Variants in CACNG2 observed in about 807,000 individuals in gnomAD.
The protein encoded by CACNG2 is voltage-dependent calcium channel gamma-2 subunit.
Under a neutral mutation model 25.9 loss-of-function variants are expected in CACNG2, and 3 were observed. The ratio of observed to expected loss-of-function variants is 0.12; its 90% CI spans 0.05 to 0.30. The LOEUF is 0.30. CACNG2 is among the 10% of genes least tolerant of loss of function. The pLI is 1.00. For missense variants in CACNG2, 341 were observed against 432.5 expected (o/e 0.79, Z 1.88); for synonymous variants, 167 against 173.3 (o/e 0.96, Z 0.29).
chr22:36,696,671 C>T (rs1445136271), intron 1 of CACNG2, among the ~76,000 whole-genome samples: 1 of 152,168 alleles, frequency 6.6e-6, no homozygotes, highest in African/African-American at 2.4e-5. Context: ...GAGTGGAGGA[C>T]AGAGCGTGCT....
chr22:36,594,816 C>CTG (rs1047288229), intron 1 of CACNG2, among the ~76,000 whole-genome samples: 2 of 130,656 alleles, frequency 1.5e-5, no homozygotes, highest in Non-Finnish European at 3.2e-5. Flanking sequence ...GGATGTGTGT[C>CTG]TGTGTGTGTA....
intron 1 of CACNG2, among the ~76,000 whole-genome samples, chr22:36,593,647 G>A (rs373862742): frequency 6.6e-6 from 1 of 152,108 alleles, no homozygotes; most frequent in Non-Finnish European, 1.5e-5. Flanking sequence ...TTAGGAGGGC[G>A]GGGGAGTTAG....
At chr22:36,654,948 G>C (rs900369996) in intron 1 of CACNG2, among the ~76,000 whole-genome samples, 1 of 152,016 alleles carries the variant, frequency 6.6e-6, no homozygotes, top group Non-Finnish European at 1.5e-5. Context: ...GATAGGAGCA[G>C]AGAGGCATTA....
At chr22:36,694,634 T>C (rs772362781) in intron 1 of CACNG2, among the ~76,000 whole-genome samples, 3 of 152,210 alleles carry the variant, frequency 2.0e-5, no homozygotes, top group Non-Finnish European at 4.4e-5. Flanking sequence ...GGTATGGGGC[T>C]GTCTCAAATG....
intron 1 of CACNG2, among the ~76,000 whole-genome samples, chr22:36,616,203 A>G (rs1416616189): frequency 6.6e-6 from 1 of 152,228 alleles, no homozygotes; most frequent in Non-Finnish European, 1.5e-5. Context: ...TGAAGGTCAA[A>G]TGAGTTAATT....
At chr22:36,597,494 C>T (rs1016474050) in intron 1 of CACNG2, among the ~76,000 whole-genome samples, 29 of 152,158 alleles carry the variant, frequency 1.9e-4, no homozygotes, top group African/African-American at 5.3e-4. Context: ...CAGTCCTCAC[C>T]GAGGGGGTAA....
At chr22:36,580,475 G>A (rs1935396713) in intron 2 of CACNG2, among the ~76,000 whole-genome samples, 1 of 152,110 alleles carries the variant, frequency 6.6e-6, no homozygotes, top group South Asian at 2.1e-4. Context: ...TTTGATGAGG[G>A]CCTGCCTCCC....
chr22:36,597,788 G>T (rs1183478058), intron 1 of CACNG2, among the ~76,000 whole-genome samples: 2 of 152,180 alleles, frequency 1.3e-5, no homozygotes, highest in Non-Finnish European at 2.9e-5. Flanking sequence ...CTGAGACTCT[G>T]TATTTCTCAT....
At chr22:36,584,972 C>T (rs1251779531) in intron 2 of CACNG2, 1 of 152,326 alleles carries the variant, frequency 6.6e-6, no homozygotes, top group Non-Finnish European at 1.5e-5. Flanking sequence ...TGGGAGCCAC[C>T]TGCCTACTTC....
rs149932866 is a variant in CACNG2, at chr22:36,658,584, G to C, written c.211+43782C>G. ...AAGTGTTGGGGTGGGATTTAAGCCT[G>C]TCTTCCTCATCCATCTCTTTTTAAA... On this transcript the variant is annotated intron_variant, in intron 1 of 3. Coordinates refer to ENST00000300105, the MANE Select transcript of CACNG2 (RefSeq NM_006078.5). Among the ~76,000 whole-genome samples, 13 of 152,320 alleles carry C rather than the reference G, an allele frequency of 8.5e-5. No individual in the cohort carries two copies. The East Asian group carries it at 2.3e-3, about 27-fold the overall frequency.
At chr22:36,633,522 A>G (rs1936307475) in intron 1 of CACNG2, among the ~76,000 whole-genome samples, 2 of 152,218 alleles carry the variant, frequency 1.3e-5, no homozygotes, top group Admixed American at 6.5e-5. Flanking sequence ...ACTGATGCTC[A>G]AGGGCTTCAG....
intron 1 of CACNG2, among the ~76,000 whole-genome samples, chr22:36,699,904 G>A (rs968807309): frequency 5.3e-5 from 8 of 152,182 alleles, no homozygotes; most frequent in African/African-American, 1.7e-4. Context: ...TTCCTAAGTC[G>A]CCAAGGCCCA....
intron 1 of CACNG2, among the ~76,000 whole-genome samples, chr22:36,597,381 T>A (rs867378672): frequency 5.3e-5 from 8 of 152,276 alleles, no homozygotes; most frequent in Middle Eastern, 3.4e-3. Context: ...GTTAGAAAGA[T>A]TTGGCTTCTA....
intron 1 of CACNG2, among the ~76,000 whole-genome samples, chr22:36,602,454 C>T (rs1252671020): frequency 3.9e-5 from 6 of 152,046 alleles, no homozygotes; most frequent in South Asian, 2.1e-4. Flanking sequence ...GGTGCGATCT[C>T]GGCTCTCTGC....
chr22:36,607,338 C>T (rs971672377), intron 1 of CACNG2, among the ~76,000 whole-genome samples: 3 of 152,190 alleles, frequency 2.0e-5, no homozygotes, highest in Admixed American at 2.0e-4. Context: ...GCCTTGCACT[C>T]CCCAGGCTCA....
At chr22:36,589,762 T>G (rs117563437) in intron 1 of CACNG2, among the ~76,000 whole-genome samples, 1 of 152,108 alleles carries the variant, frequency 6.6e-6, no homozygotes, top group Non-Finnish European at 1.5e-5. Flanking sequence ...CCCTCCTGCA[T>G]CTTGGGGTGT....
At chr22:36,675,557 C>T (rs961540626) in intron 1 of CACNG2, among the ~76,000 whole-genome samples, 4 of 152,186 alleles carry the variant, frequency 2.6e-5, no homozygotes, top group Admixed American at 2.6e-4. Flanking sequence ...ATATGGGTAA[C>T]GATCCTGGGA....
chr22:36,702,463 C>T lies in CACNG2; in HGVS notation c.114G>A (p.Gly38=), dbSNP rs938618420. 6.2e-7 allele frequency: 1 copy of T among 1,614,044 alleles called. No individual in the cohort carries two copies. Among genetic ancestry groups the T allele is most frequent in the Non-Finnish European group, 8.5e-7 (1 of 1,179,966 alleles). The change falls in exon 1 of 4, where the codon GGG becomes GGA. Residue 38 remains glycine (G), a synonymous_variant. Coordinates refer to ENST00000300105, the MANE Select transcript of CACNG2 (RefSeq NM_006078.5). The stretch of plus-strand genomic sequence containing the variant: ...CACTGACACTTTTGGTCTTGCAAAC[C>T]CCTCTGGAGTAGAGCCAATAGTCGG... The part of the protein sequence containing the change: ...VGTDYWLYSR[G]VCKTKSVSEN...
At chr22:36,571,775 G>C (rs945644136) in intron 2 of CACNG2, among the ~76,000 whole-genome samples, 1 of 151,518 alleles carries the variant, frequency 6.6e-6, no homozygotes, top group Admixed American at 6.6e-5. Context: ...TACTTGGGGG[G>C]CTGAGGCAGG....
Sources: allele counts gnomAD v4.1 joint callset (sites outside exome capture counted in the v4.1 genomes callset), GRCh38; gene constraint gnomAD v4.1.1; transcripts MANE v1.5; gene names NCBI Gene and HGNC (gene_info 2026-07-23, HGNC 2026-07-21).